CACNA1E: variants seen among roughly 807,000 people sequenced by gnomAD.
CACNA1E encodes the protein voltage-dependent R-type calcium channel subunit alpha-1E.
In CACNA1E, 40 loss-of-function variants were observed where a neutral mutation model predicts 259.2. That is an observed-to-expected ratio of 0.15 (90% CI 0.12 to 0.20). The LOEUF (loss-of-function observed/expected upper bound fraction) is 0.20. Among genes scored for constraint, CACNA1E ranks in the 10% least tolerant of loss-of-function variants. The pLI is 1.00. For synonymous variants in CACNA1E, 1,104 were observed against 1,138.5 expected (o/e 0.97, Z 0.61); for missense variants, 1,874 against 3,040.1 (o/e 0.62, Z 9.02).
chr1:181,319,972 G>A (rs1650214306), intron 1 of CACNA1E, among the ~76,000 whole-genome samples: 1 of 152,226 alleles, frequency 6.6e-6, no homozygotes. Context: ...CTGGAGTGGA[G>A]CTTCATGCTC....
intron 42 of CACNA1E, 65 bp downstream of exon 42, chr1:181,785,483 G>A (rs957649078): frequency 1.7e-6 from 2 of 1,145,054 alleles, no homozygotes; most frequent in Admixed American, 1.9e-5. Context: ...GAATAGGCCT[G>A]TGCCTCCCTG....
At chr1:181,692,560 C>CCCT (rs1228848444) in intron 7 of CACNA1E, among the ~76,000 whole-genome samples, 1 of 152,142 alleles carries the variant, frequency 6.6e-6, no homozygotes, top group Non-Finnish European at 1.5e-5. Context: ...GGAAAGGAAT[C>CCCT]CCTGCTCAAT....
intron 1 of CACNA1E, among the ~76,000 whole-genome samples, chr1:181,509,576 G>A (rs1665996449): frequency 6.6e-6 from 1 of 152,220 alleles, no homozygotes; most frequent in African/African-American, 2.4e-5. Context: ...CAGAATGACA[G>A]CACTGGGAGC....
At chr1:181,503,570 C>T (rs564382855) in intron 1 of CACNA1E, among the ~76,000 whole-genome samples, 1 of 152,334 alleles carries the variant, frequency 6.6e-6, no homozygotes, top group East Asian at 1.9e-4. Context: ...TCCATGGCTA[C>T]AGCCAGCCAG....
chr1:181,566,599 C>T (rs1248524346), intron 3 of CACNA1E, among the ~76,000 whole-genome samples: 3 of 152,138 alleles, frequency 2.0e-5, no homozygotes, highest in Non-Finnish European at 4.4e-5. Context: ...CTTTGGGGAA[C>T]CTCTTCTTGA....
intron 7 of CACNA1E, among the ~76,000 whole-genome samples, chr1:181,687,090 G>A (rs1401399047): frequency 1.3e-5 from 2 of 152,142 alleles, no homozygotes; most frequent in African/African-American, 4.8e-5. Context: ...ATAATTCACA[G>A]ATTTCAAGAG....
chr1:181,497,540 A>G (rs913639031), intron 1 of CACNA1E, among the ~76,000 whole-genome samples: 5 of 152,154 alleles, frequency 3.3e-5, no homozygotes, highest in African/African-American at 9.7e-5. Flanking sequence ...ATGAATGCCT[A>G]TTGTATGACA....
At chr1:181,552,365 A>G (rs896170373) in intron 3 of CACNA1E, among the ~76,000 whole-genome samples, 2 of 152,208 alleles carry the variant, frequency 1.3e-5, no homozygotes, top group Non-Finnish European at 2.9e-5. Flanking sequence ...GTTGAAATGG[A>G]CAGAAATGAT....
chr1:181,527,195 C>A (rs1268067654), intron 3 of CACNA1E, among the ~76,000 whole-genome samples: 6 of 152,212 alleles, frequency 3.9e-5, no homozygotes, highest in Non-Finnish European at 5.9e-5. Flanking sequence ...CTGGGAAGTC[C>A]ATGATCAAAG....
At chr1:181,701,172 G>A (rs1652212887) in intron 7 of CACNA1E, among the ~76,000 whole-genome samples, 1 of 152,234 alleles carries the variant, frequency 6.6e-6, no homozygotes, top group African/African-American at 2.4e-5. Context: ...CACACAGGGT[G>A]AAGTGTACAA....
chr1:181,490,065 T>C (rs1664179204), intron 1 of CACNA1E, among the ~76,000 whole-genome samples: 1 of 152,168 alleles, frequency 6.6e-6, no homozygotes, highest in Non-Finnish European at 1.5e-5. Flanking sequence ...AGTGTTAAGG[T>C]TATTGCAGAG....
chr1:181,694,087 C>A (rs1651465987), intron 7 of CACNA1E, among the ~76,000 whole-genome samples: 1 of 152,108 alleles, frequency 6.6e-6, no homozygotes, highest in Non-Finnish European at 1.5e-5. Flanking sequence ...TAACAATGTC[C>A]ATTGTGAATG....
intron 25 of CACNA1E, among the ~76,000 whole-genome samples, chr1:181,748,233 C>T (rs144022933): frequency 3.1e-4 from 47 of 152,284 alleles, no homozygotes; most frequent in African/African-American, 9.1e-4. Flanking sequence ...TTGGCAGCCA[C>T]GTTCAGCTGT....
At chr1:181,416,211 T>C (rs139284201) in intron 2 of CACNA1E, among the ~76,000 whole-genome samples, 94 of 152,338 alleles carry the variant, frequency 6.2e-4, no homozygotes, top group Middle Eastern at 6.8e-3. Context: ...GTTCAGGCTG[T>C]GGTGTCAGCA....
intron 6 of CACNA1E, among the ~76,000 whole-genome samples, chr1:181,606,163 A>G (rs1447478709): frequency 6.6e-6 from 1 of 151,954 alleles, no homozygotes; most frequent in Non-Finnish European, 1.5e-5. Context: ...TTGAATTTCT[A>G]TTTCCAGCCC....
intron 1 of CACNA1E, among the ~76,000 whole-genome samples, chr1:181,326,434 C>G (rs1423051205): frequency 6.6e-6 from 1 of 152,136 alleles, no homozygotes; most frequent in Non-Finnish European, 1.5e-5. Flanking sequence ...GCGGAACAGC[C>G]CTGAGAAGGA....
chr1:181,733,492 G>C lies in CACNA1E; in HGVS notation c.3004G>C (p.Ala1002Pro), dbSNP rs1362424829. ...GSGLAGGLDE[A>P]DTPLVLPHPE... is the part of the protein sequence containing the mutation. ...CGGGCTGGCAGGAGGCCTTGATGAG[G>C]CTGACACCCCCCTAGTCCTGCCCCA... The change falls in exon 21 of 48, where the codon GCT becomes CCT. Residue 1002 changes from alanine (A) to proline (P), a missense_variant. Around this residue, in one of 14 missense-constraint regions of CACNA1E, gnomAD observed 476 missense variants for 514.0 expected, o/e 0.93. Coordinates refer to ENST00000367573, the MANE Select transcript of CACNA1E (RefSeq NM_001205293.3). 5 of 1,585,894 alleles carry C rather than the reference G, an allele frequency of 3.2e-6. No individual in the cohort carries two copies. The highest frequency in any genetic ancestry group is 3.4e-6 in the Non-Finnish European group (4 of 1,164,612).
chr1:181,663,858 C>G (rs181449283), intron 7 of CACNA1E, among the ~76,000 whole-genome samples: 1 of 152,206 alleles, frequency 6.6e-6, no homozygotes, highest in Admixed American at 6.5e-5. Context: ...GCATATTTAT[C>G]TTTTTCATAT....
intron 7 of CACNA1E, among the ~76,000 whole-genome samples, chr1:181,702,588 C>T (rs1421232493): frequency 6.6e-6 from 1 of 152,196 alleles, no homozygotes; most frequent in Non-Finnish European, 1.5e-5. Flanking sequence ...CTGCCTGCTA[C>T]CACTCTGACC....
Sources: gnomAD v4.1 joint callset for allele counts (sites outside exome capture counted in the v4.1 genomes callset) on GRCh38, gnomAD v4.1.1 for gene constraint, gnomAD v4.1.1 regional missense constraint, MANE v1.5 for transcripts, NCBI Gene and HGNC (gene_info 2026-07-23, HGNC 2026-07-21) for gene names.